The following DGKB variants were observed in gnomAD, a reference collection of about 807,000 sequenced individuals.
The protein encoded by DGKB is 90 kDa diacylglycerol kinase.
DGKB carries 67 observed loss-of-function variants against 114.3 expected under a neutral mutation model. The observed-to-expected ratio is 0.59, with a 90% CI of 0.48 to 0.72. The LOEUF (loss-of-function observed/expected upper bound fraction) is 0.72, where lower values mean the gene tolerates loss of function less well. DGKB is among the 30% of genes least tolerant of loss of function. The pLI is 0.00. For synonymous variants in DGKB, 398 were observed against 323.1 expected, an observed-to-expected ratio of 1.23 and a Z score of -2.49; for missense variants, 907 against 975.2, an observed-to-expected ratio of 0.93 and a Z score of 0.93.
At chr7:14,482,986 C>T (rs1783208118) in intron 20 of DGKB, among the ~76,000 whole-genome samples, 1 of 151,684 alleles carries the variant, frequency 6.6e-6, no homozygotes. Flanking sequence ...GTTCTTTAAT[C>T]ATCTGTGAAA....
At chr7:14,647,995 CG>C (rs1813471820) in intron 13 of DGKB, among the ~76,000 whole-genome samples, 1 of 152,248 alleles carries the variant, frequency 6.6e-6, no homozygotes, top group Non-Finnish European at 1.5e-5. Context: ...GAGGGTCCTA[CG>C]CCCACGGAGT....
chr7:14,855,526 C>T (rs1293925281), intron 1 of DGKB, among the ~76,000 whole-genome samples: 2 of 152,178 alleles, frequency 1.3e-5, no homozygotes, highest in African/African-American at 4.8e-5. Flanking sequence ...TGCATTCACA[C>T]ACAAACACAC....
At chr7:14,378,119 A>G (rs1818796707) in intron 21 of DGKB, among the ~76,000 whole-genome samples, 1 of 152,200 alleles carries the variant, frequency 6.6e-6, no homozygotes, top group Admixed American at 6.5e-5. Flanking sequence ...CAAAATTGTT[A>G]CATTTCGTAA....
upstream of DGKB, among the ~76,000 whole-genome samples, chr7:14,906,340 AT>A (rs1269575712): frequency 6.6e-6 from 1 of 152,086 alleles, no homozygotes; most frequent in African/African-American, 2.4e-5. Flanking sequence ...CTCTTAATAA[AT>A]TAATTCTTAA....
chr7:14,764,818 T>C (rs1836225781), intron 2 of DGKB, among the ~76,000 whole-genome samples: 1 of 151,700 alleles, frequency 6.6e-6, no homozygotes, highest in Admixed American at 6.6e-5. Context: ...TCACCTTAGG[T>C]CACAATAGCA....
intron 2 of DGKB, among the ~76,000 whole-genome samples, chr7:14,760,037 A>G (rs1317348081): frequency 6.6e-6 from 1 of 152,114 alleles, no homozygotes; most frequent in African/African-American, 2.4e-5. Context: ...TTATATGCCT[A>G]TTGGTCGTTT....
intron 2 of DGKB, among the ~76,000 whole-genome samples, chr7:14,807,389 T>C (rs1562587791): frequency 6.6e-6 from 1 of 152,002 alleles, no homozygotes; most frequent in African/African-American, 2.4e-5. Flanking sequence ...TCCATAGATA[T>C]ATTACTGTAG....
At chr7:14,246,779 A>G (rs1013236407) in intron 23 of DGKB, among the ~76,000 whole-genome samples, 13 of 152,190 alleles carry the variant, frequency 8.5e-5, no homozygotes, top group South Asian at 4.1e-4. Flanking sequence ...TCTAATTAAC[A>G]TATCATCTCA....
At chr7:14,765,652 A>C (rs1245379781) in intron 2 of DGKB, among the ~76,000 whole-genome samples, 3 of 152,008 alleles carry the variant, frequency 2.0e-5, no homozygotes, top group Non-Finnish European at 4.4e-5. Flanking sequence ...TTTAGCCAGC[A>C]ACCCTATCCA....
chr7:14,571,393 T>C (rs1273029925), intron 20 of DGKB, among the ~76,000 whole-genome samples: 2 of 152,168 alleles, frequency 1.3e-5, no homozygotes, highest in African/African-American at 4.8e-5. Context: ...ACACTTACAG[T>C]AGTGATATCT....
intron 2 of DGKB, among the ~76,000 whole-genome samples, chr7:14,822,310 G>A (rs754622705): frequency 3.9e-5 from 6 of 152,106 alleles, no homozygotes; most frequent in Non-Finnish European, 5.9e-5. Context: ...TGAAAGTTAA[G>A]TTTTAAAAGG....
intron 13 of DGKB, among the ~76,000 whole-genome samples, chr7:14,651,480 G>A (rs1283940563): frequency 6.9e-6 from 1 of 145,194 alleles, no homozygotes; most frequent in African/African-American, 2.5e-5. Flanking sequence ...AATAAATTAG[G>A]TATTGATGGG....
intron 17 of DGKB, among the ~76,000 whole-genome samples, chr7:14,592,816 T>G (rs1057048340): frequency 6.6e-6 from 1 of 151,930 alleles, no homozygotes; most frequent in Non-Finnish European, 1.5e-5. Context: ...TCTCAACATT[T>G]TAATTTAAAG....
intron 1 of DGKB, among the ~76,000 whole-genome samples, chr7:14,928,251 T>C (rs207467690): frequency 1.3e-5 from 2 of 151,974 alleles, no homozygotes; most frequent in African/African-American, 2.4e-5. Flanking sequence ...ATCTATTTAG[T>C]TGTAATCATG....
chr7:14,967,307 A>ATTTATT (rs10531792), intron 1 of DGKB, among the ~76,000 whole-genome samples: 72 of 149,838 alleles, frequency 4.8e-4, no homozygotes, highest in South Asian at 1.5e-3. Flanking sequence ...TCCTGACTTG[A>ATTTATT]TTTATTTTTA....
At chr7:14,820,466 T>C (rs1844772424) in intron 2 of DGKB, among the ~76,000 whole-genome samples, 1 of 152,184 alleles carries the variant, frequency 6.6e-6, no homozygotes, top group Admixed American at 6.6e-5. Flanking sequence ...CTTATTACAG[T>C]GCATGCAACA....
At chr7:14,189,071 C>G (rs1783917965) in intron 23 of DGKB, among the ~76,000 whole-genome samples, 1 of 152,120 alleles carries the variant, frequency 6.6e-6, no homozygotes, top group Admixed American at 6.6e-5. Flanking sequence ...ACCATAATTA[C>G]TAACAGGAAA....
intron 21 of DGKB, among the ~76,000 whole-genome samples, chr7:14,426,771 T>C (rs1019755652): frequency 2.0e-5 from 3 of 152,088 alleles, no homozygotes; most frequent in African/African-American, 7.2e-5. Flanking sequence ...AATTCCACTA[T>C]GGGCCAAGCG....
At position 14,509,229 on chromosome 7, in the gene DGKB, T is replaced by A. The variant is rs114738642; in HGVS notation, c.1771-31004A>T. Among the ~76,000 whole-genome samples the A allele has an allele frequency of 5.1e-3, 779 of 152,218 alleles. 5 individuals are homozygous for A. Among genetic ancestry groups the A allele is most frequent in the African/African-American group, 0.018 (752 of 41,528 alleles). On this transcript the variant is annotated intron_variant, in intron 20 of 25. Transcript: ENST00000402815. ...AGGGTTCAGTTCTAGAACACCACAA[T>A]AAAGCTAATACTGTGGGAAAGAGAG...
Sources: gnomAD v4.1 joint callset for allele counts (sites outside exome capture counted in the v4.1 genomes callset) on GRCh38, gnomAD v4.1.1 for gene constraint, MANE v1.5 for transcripts, NCBI Gene and HGNC (gene_info 2026-07-23, HGNC 2026-07-21) for gene names.